The following ADH4 variants were observed in gnomAD, a reference collection of about 807,000 sequenced individuals.
ADH4 encodes the protein alcohol dehydrogenase 4 (class II), pi polypeptide.
Under a neutral mutation model 35.2 loss-of-function variants are expected in ADH4, and 31 were observed. The observed-to-expected ratio is 0.88, with a 90% CI of 0.66 to 1.19. ADH4 has a LOEUF of 1.19. Ranked by LOEUF, ADH4 falls within the 50% of genes most tolerant of loss-of-function variation. The probability of loss-of-function intolerance (pLI) is 0.00; values close to 1 mark genes in which losing one functional copy is unlikely to be tolerated. For missense variants in ADH4, 476 were observed against 458.3 expected, an observed-to-expected ratio of 1.04 and a Z score of -0.35; for synonymous variants, 171 against 160.2, an observed-to-expected ratio of 1.07 and a Z score of -0.51.
chr4:99,144,249 T>C lies in ADH4; in HGVS notation c.-27A>G. ...TTTCTTTGGGAAACTGTGTTGGAAG[T>C]TTCTTTCTGAGTTAAGAAAGCTTCA... is the stretch of plus-strand genomic sequence containing the variant. On this transcript the variant is annotated 5_prime_UTR_variant, in exon 1 of 9. Transcript: ENST00000265512. 6.2e-7 allele frequency: 1 copy of C among 1,611,784 alleles called. No homozygotes were observed.
Position 99,143,972 on chromosome 4 carries a change from C to T in ADH4, c.18+233G>A, listed in dbSNP as rs1729720087. ...TTACAGCACAGTTACTTAAATCTCT[C>T]TTCTTTTGGCCATTTAAATAATATT... On this transcript the variant is annotated intron_variant, in intron 1 of 8. Transcript: ENST00000265512. Among the ~76,000 whole-genome samples the T allele has an allele frequency of 2.0e-5, 3 of 152,124 alleles. 1 individual carries two copies. In the South Asian group the frequency reaches 6.2e-4, roughly 32 times the overall value.
chr4:99,127,402 G>A (rs527489753), intron 6 of ADH4, 58 bp from the exon 7 acceptor site: 13 of 1,416,968 alleles, frequency 9.2e-6, no homozygotes, highest in South Asian at 4.0e-5. Context: ...ATGAACTCCA[G>A]TGTGGCAATG....
chr4:99,137,733 T>G lies in ADH4; in HGVS notation c.351-1036A>C, dbSNP rs6532800. On this transcript the variant is annotated intron_variant, in intron 4 of 8. Coordinates refer to ENST00000265512, the MANE Select transcript of ADH4 (RefSeq NM_000670.5). ...ATGTCCCAGCTCCAGTAACCATCAA[T>G]TCATGGCCAGTCAGGTTTCATCTAT... Among the ~76,000 whole-genome samples the G allele has an allele frequency of 4.4e-3, 666 of 152,310 alleles. 6 individuals carry two copies. Among genetic ancestry groups the G allele is most frequent in the Non-Finnish European group, 7.8e-3 (531 of 68,042 alleles).
chr4:99,129,127 A>G (rs998395059), intron 6 of ADH4, among the ~76,000 whole-genome samples: 1 of 152,098 alleles, frequency 6.6e-6, no homozygotes. Context: ...ATAATTTTAC[A>G]TAATTTGGAA....
At chr4:99,133,608 C>T (rs1489036061) in intron 5 of ADH4, 1 of 150,678 alleles carries the variant, frequency 6.6e-6, no homozygotes, top group African/African-American at 2.4e-5. Context: ...GAATCTCTTC[C>T]TTAACAGTGG....
At chr4:99,128,256 G>T (rs1729159951) in intron 6 of ADH4, among the ~76,000 whole-genome samples, 1 of 152,084 alleles carries the variant, frequency 6.6e-6, no homozygotes, top group Non-Finnish European at 1.5e-5. Context: ...CCAACATGGA[G>T]AAACCCCGTC....
chr4:99,126,056 G>A (rs1729077328), intron 8 of ADH4, among the ~76,000 whole-genome samples: 1 of 152,138 alleles, frequency 6.6e-6, no homozygotes, highest in South Asian at 2.1e-4. Flanking sequence ...CAGTTCCTGG[G>A]ATCCCTGACA....
Position 99,141,480 on chromosome 4 carries a change from T to C in ADH4, c.262+61A>G, listed in dbSNP as rs1048518636. On this transcript the variant is annotated intron_variant, in intron 3 of 8. Transcript: ENST00000265512. Reference sequence around the variant, plus strand: ...ATTATAGCATGCCAAGCCAGGACTCTATCAATAATTATCTCTGAAATATTG... The same window carrying C: ...ATTATAGCATGCCAAGCCAGGACTCCATCAATAATTATCTCTGAAATATTG... The C allele has an allele frequency of 3.3e-6, 5 of 1,510,388 alleles. No homozygotes were observed. The Admixed American group carries it at 6.0e-5, about 18-fold the overall frequency. 93.6% of individuals were successfully genotyped at this position (1,510,388 alleles called of 1,614,324 possible). A position where few individuals can be genotyped will look rare whatever the true frequency, so the allele number is the denominator to read the frequency against.
chr4:99,137,753 A>T (rs956522407), intron 4 of ADH4, among the ~76,000 whole-genome samples: 2 of 152,178 alleles, frequency 1.3e-5, no homozygotes, highest in Non-Finnish European at 2.9e-5. Flanking sequence ...GTCAGGTTTC[A>T]TCTATTATTC....
At chr4:99,141,095 T>C (rs1055420625) in intron 3 of ADH4, among the ~76,000 whole-genome samples, 1 of 152,176 alleles carries the variant, frequency 6.6e-6, no homozygotes, top group African/African-American at 2.4e-5. Context: ...TTTGTGTCCA[T>C]GTGTTCTCAT....
At chr4:99,125,371 T>G (rs868768034) in intron 8 of ADH4, among the ~76,000 whole-genome samples, 7 of 152,224 alleles carry the variant, frequency 4.6e-5, no homozygotes, top group African/African-American at 1.7e-4. Flanking sequence ...GGAAGCCTCC[T>G]GGGAGAATGT....
chr4:99,140,525 G>C (rs1729575097), intron 3 of ADH4, among the ~76,000 whole-genome samples: 1 of 151,974 alleles, frequency 6.6e-6, no homozygotes, highest in Non-Finnish European at 1.5e-5. Context: ...AGTGAGCCAA[G>C]ATCGTGCCAC....
chr4:99,134,240 G>A (rs1729369048), intron 5 of ADH4, among the ~76,000 whole-genome samples: 1 of 152,054 alleles, frequency 6.6e-6, no homozygotes, highest in African/African-American at 2.4e-5. Flanking sequence ...TTCATTGTAC[G>A]CTCTGGTGAC....
chr4:99,125,400 G>A (rs1354337969), intron 8 of ADH4, among the ~76,000 whole-genome samples: 1 of 152,194 alleles, frequency 6.6e-6, no homozygotes, highest in East Asian at 1.9e-4. Context: ...TGCCCATAAA[G>A]CAATGCAGCA....
chr4:99,129,311 T>C (rs1013348148), intron 6 of ADH4, among the ~76,000 whole-genome samples: 1 of 152,054 alleles, frequency 6.6e-6, no homozygotes, highest in Admixed American at 6.6e-5. Context: ...GACTTATTAT[T>C]TAAAAGGAAA....
intron 1 of ADH4, 115 bp from the exon 2 acceptor site, chr4:99,142,895 A>G: frequency 1.5e-6 from 1 of 653,072 alleles, no homozygotes; most frequent in Non-Finnish European, 2.6e-6. Context: ...CTGTAATTTC[A>G]TGACAAAGAG....
chr4:99,125,223 A>G (rs1197676465), intron 8 of ADH4, among the ~76,000 whole-genome samples: 2 of 152,082 alleles, frequency 1.3e-5, no homozygotes, highest in African/African-American at 4.8e-5. Flanking sequence ...CATATGGTGG[A>G]CACACCTGAT....
At chr4:99,142,297 G>A (rs985324653) in intron 2 of ADH4, among the ~76,000 whole-genome samples, 7 of 152,182 alleles carry the variant, frequency 4.6e-5, no homozygotes, top group Admixed American at 6.5e-5. Context: ...AGGGCAGCAC[G>A]TCAGGTTTTT....
chr4:99,136,685 AC>A lies in ADH4; in HGVS notation c.362del (p.Ser121IlefsTer8), dbSNP rs779045758. On this transcript the variant is annotated frameshift_variant, in exon 5 of 9. Coordinates refer to ENST00000265512, the MANE Select transcript of ADH4 (RefSeq NM_000670.5). LOFTEE classifies it high-confidence loss of function. ...NLCGKISNLK[S>X]PASDQQLMED... The stretch of plus-strand genomic sequence containing the variant: ...CCATTAGTTGTTGATCACTAGCAGG[AC>A]TTTTGAGATTACTAGAAAATTAAAA... 1 of 1,608,202 alleles carries A rather than the reference AC, an allele frequency of 6.2e-7. No individual in the cohort carries two copies. Among genetic ancestry groups the A allele is most frequent in the Non-Finnish European group, 8.5e-7 (1 of 1,176,314 alleles).
Sources: gnomAD v4.1 joint callset for allele counts (sites outside exome capture counted in the v4.1 genomes callset) on GRCh38, gnomAD v4.1.1 for gene constraint, MANE v1.5 for transcripts, NCBI Gene and HGNC (gene_info 2026-07-23, HGNC 2026-07-21) for gene names.